Variants in ACYP2 observed in about 807,000 individuals in gnomAD.
ACYP2 encodes the protein acylphosphatase-2.
In ACYP2, 12 loss-of-function variants were observed where a neutral mutation model predicts 11.2. That is an observed-to-expected ratio of 1.08 (90% CI 0.69 to 1.74). The LOEUF (loss-of-function observed/expected upper bound fraction) is 1.74, where lower values mean the gene tolerates loss of function less well. Among genes scored for constraint, ACYP2 ranks in the 40% most tolerant of loss-of-function variants. The pLI is 0.00. For synonymous variants in ACYP2, 43 were observed against 32.2 expected (o/e 1.33, Z -1.13); for missense variants, 134 against 101.9 (o/e 1.31, Z -1.35).
At chr2:54,097,864 TTCTCTTTC>T in intron 4 of ACYP2, among the ~76,000 whole-genome samples, 1 of 109,292 alleles carries the variant, frequency 9.1e-6, no homozygotes, top group Non-Finnish European at 2.0e-5. Flanking sequence ...CTTTCTTTCT[TTCTCTTTC>T]TCTCTCTCTC....
chr2:54,059,977 T>C (rs72800722), intron 4 of ACYP2, among the ~76,000 whole-genome samples: 15,738 of 152,268 alleles, frequency 0.1, 1,071 homozygotes, highest in Middle Eastern at 0.22. Flanking sequence ...CCCAGTCCTC[T>C]AGCAATTCCA....
chr2:54,138,766 T>G lies in ACYP2; in HGVS notation c.404+18T>G. 1 of 1,591,592 alleles carries G rather than the reference T, an allele frequency of 6.3e-7. No homozygotes were observed. The highest frequency in any genetic ancestry group is 8.6e-7 in the Non-Finnish European group (1 of 1,162,484). On this transcript the variant is annotated intron_variant, in intron 6 of 6. Transcript: ENST00000607452. ...AATTCCATGTGAGTAGTAAAATTAA[T>G]AACATGTACATGAAATTTATGAGGC...
chr2:54,059,879 T>C (rs1676374452), intron 4 of ACYP2, among the ~76,000 whole-genome samples: 1 of 152,214 alleles, frequency 6.6e-6, no homozygotes, highest in African/African-American at 2.4e-5. Context: ...GGGAAAGGAT[T>C]GCTTCATTGT....
At chr2:54,239,027 T>C (rs1686619476) in intron 6 of ACYP2, among the ~76,000 whole-genome samples, 1 of 152,112 alleles carries the variant, frequency 6.6e-6, no homozygotes, top group Non-Finnish European at 1.5e-5. Context: ...AAATGTCTTT[T>C]GTAAATTTAT....
At chr2:54,116,765 A>G (rs1486050174) in intron 4 of ACYP2, among the ~76,000 whole-genome samples, 1 of 152,170 alleles carries the variant, frequency 6.6e-6, no homozygotes, top group African/African-American at 2.4e-5. Context: ...GGGGAGGGGA[A>G]GGGGTTCTTA....
intron 6 of ACYP2, among the ~76,000 whole-genome samples, chr2:54,219,469 A>G (rs1401266089): frequency 6.6e-6 from 1 of 152,180 alleles, no homozygotes; most frequent in Non-Finnish European, 1.5e-5. Flanking sequence ...AAGCAAATCT[A>G]ATGCAGGTTT....
chr2:54,248,237 A>G (rs1687051974), intron 6 of ACYP2, among the ~76,000 whole-genome samples: 1 of 152,244 alleles, frequency 6.6e-6, no homozygotes, highest in Non-Finnish European at 1.5e-5. Context: ...AACCATGTCC[A>G]TTAACACTTA....
At chr2:54,075,641 C>A (rs545102626) in intron 4 of ACYP2, among the ~76,000 whole-genome samples, 4 of 151,912 alleles carry the variant, frequency 2.6e-5, no homozygotes, top group Non-Finnish European at 5.9e-5. Context: ...GGTGAAACCC[C>A]GTCCCTACTA....
At chr2:54,256,297 G>A in intron 6 of ACYP2, 7 of 828,540 alleles carry the variant, frequency 8.4e-6, no homozygotes, top group Admixed American at 2.8e-5. Context: ...TCAGTCTCGC[G>A]ACACTCACTC....
intron 4 of ACYP2, among the ~76,000 whole-genome samples, chr2:54,130,267 G>C (rs183582429): frequency 1.3e-5 from 2 of 152,284 alleles, no homozygotes; most frequent in Admixed American, 6.5e-5. Context: ...GAGAATATCA[G>C]GGGGAAGAGG....
At chr2:53,991,920 C>A (rs1011655936) in intron 2 of ACYP2, among the ~76,000 whole-genome samples, 27 of 152,050 alleles carry the variant, frequency 1.8e-4, no homozygotes, top group Admixed American at 1.5e-3. Flanking sequence ...TCCTGCCAAG[C>A]CTCCCAAGTA....
At chr2:54,020,306 T>A (rs1346166349) in intron 2 of ACYP2, among the ~76,000 whole-genome samples, 1 of 152,238 alleles carries the variant, frequency 6.6e-6, no homozygotes, top group Non-Finnish European at 1.5e-5. Context: ...TGTGTTGTAA[T>A]TGTTTTCCCT....
At chr2:53,975,962 T>G (rs1671462476) in intron 2 of ACYP2, among the ~76,000 whole-genome samples, 1 of 152,204 alleles carries the variant, frequency 6.6e-6, no homozygotes, top group Non-Finnish European at 1.5e-5. Flanking sequence ...CAGTGGCCCT[T>G]CAAAGAAAAT....
At chr2:54,254,414 C>CGCCGTA in intron 6 of ACYP2, 1 of 154,210 alleles carries the variant, frequency 6.5e-6, no homozygotes, top group Non-Finnish European at 1.4e-5. Flanking sequence ...GGTGACCAGT[C>CGCCGTA]TCAGGAAAAG....
chr2:54,046,564 C>T (rs1293370513), intron 2 of ACYP2, among the ~76,000 whole-genome samples: 2 of 150,332 alleles, frequency 1.3e-5, no homozygotes, highest in Non-Finnish European at 2.9e-5. Flanking sequence ...CATGGATCAA[C>T]ATAAGACCTC....
intron 6 of ACYP2, among the ~76,000 whole-genome samples, chr2:54,301,665 T>C (rs923754207): frequency 6.6e-6 from 1 of 152,106 alleles, no homozygotes; most frequent in African/African-American, 2.4e-5. Context: ...ACACACGTGT[T>C]TGTATATGTA....
At chr2:54,211,754 A>G (rs1685338004) in intron 6 of ACYP2, among the ~76,000 whole-genome samples, 1 of 152,170 alleles carries the variant, frequency 6.6e-6, no homozygotes, top group Admixed American at 6.5e-5. Context: ...GATGTCTACC[A>G]TTTCTTTGTC....
At chr2:54,148,045 C>T (rs1046070392) in intron 6 of ACYP2, among the ~76,000 whole-genome samples, 1 of 152,110 alleles carries the variant, frequency 6.6e-6, no homozygotes, top group African/African-American at 2.4e-5. Flanking sequence ...CTGTGGTTGT[C>T]TTGGCCTTTT....
At chr2:54,153,851 C>T (rs533771911) in intron 6 of ACYP2, among the ~76,000 whole-genome samples, 17 of 152,212 alleles carry the variant, frequency 1.1e-4, no homozygotes, top group East Asian at 7.7e-4. Context: ...CTGCCTGCCT[C>T]GGCCTCCCAA....
Sources: gnomAD v4.1 joint callset for allele counts (sites outside exome capture counted in the v4.1 genomes callset) on GRCh38, gnomAD v4.1.1 for gene constraint, MANE v1.5 for transcripts, NCBI Gene and HGNC (gene_info 2026-07-23, HGNC 2026-07-21) for gene names.